NIPAL3: variants seen among roughly 807,000 people sequenced by gnomAD.
The protein encoded by NIPAL3 is NIPA like domain containing 3.
A neutral mutation model predicts 47.2 loss-of-function variants in NIPAL3; 41 were observed. The ratio of observed to expected loss-of-function variants is 0.87; its 90% CI spans 0.68 to 1.13. The LOEUF (loss-of-function observed/expected upper bound fraction) is 1.13, where lower values mean the gene tolerates loss of function less well. Ranked by LOEUF, NIPAL3 falls within the 50% of genes most tolerant of loss-of-function variation. NIPAL3 has a pLI of 0.00. For missense variants in NIPAL3, 449 were observed against 530.1 expected, an observed-to-expected ratio of 0.85 and a Z score of 1.50; for synonymous variants, 194 against 209.6, an observed-to-expected ratio of 0.93 and a Z score of 0.64.
In NIPAL3 at chr1:24,442,143, T is replaced by C; in HGVS notation, c.251T>C (p.Leu84Pro). 2 of 1,614,222 alleles carry C rather than the reference T, an allele frequency of 1.2e-6. No individual in the cohort carries two copies. The highest frequency in any genetic ancestry group is 1.7e-6 in the Non-Finnish European group (2 of 1,180,028). The change falls in exon 4 of 12, where the codon CTT becomes CCT. Residue 84 changes from leucine to proline, a missense_variant. Physicochemically the swap from Leu to Pro is moderately conservative, Grantham distance 98. Coordinates refer to ENST00000374399, the MANE Select transcript of NIPAL3 (RefSeq NM_020448.5). ...TGGTGGCTGGGCCTGTTCCTGATGC[T>C]TCTGGGCGAGCTGGGTGTGTTCGCC... ...KTWWLGLFLM[L>P]LGELGVFASY...
intron 2 of NIPAL3, among the ~76,000 whole-genome samples, chr1:24,433,851 A>G (rs1342839173): frequency 6.6e-6 from 1 of 152,214 alleles, no homozygotes; most frequent in East Asian, 1.9e-4. Flanking sequence ...AAAGTTTTGT[A>G]TAACACTAAA....
chr1:24,434,742 T>A (rs576021507), intron 2 of NIPAL3, among the ~76,000 whole-genome samples: 6 of 152,124 alleles, frequency 3.9e-5, no homozygotes, highest in Admixed American at 6.6e-5. Context: ...TGTTTTCTGA[T>A]CACAATGGAA....
chr1:24,465,957 C>T (rs1415704747), intron 11 of NIPAL3: 1 of 1,571,358 alleles, frequency 6.4e-7, no homozygotes, highest in East Asian at 2.3e-5. Context: ...TTTCCAGCCA[C>T]TTGGTTTCCC....
rs1027863539 is a variant in NIPAL3 at position 24,415,905 on chromosome 1, G to C, written c.-258+1G>C. 3 of 985,220 alleles carry C rather than the reference G, an allele frequency of 3.0e-6. No individual in the cohort carries two copies. In the African/African-American group the frequency reaches 5.2e-5, roughly 17 times the overall value. The allele number at this position is 985,220 out of a possible 1,614,324, so 61.0% of individuals were successfully genotyped here. ...GTGGGCCTTAGAGGAGACGCCGCCG[G>C]TGAGTAGTGATTAACACCGGGAGGA... On this transcript the variant is annotated splice_donor_variant, in intron 1 of 11. Coordinates refer to ENST00000374399, the MANE Select transcript of NIPAL3 (RefSeq NM_020448.5). LOFTEE classifies it low-confidence loss of function (5UTR_SPLICE).
At position 24,469,283 on chromosome 1, in the gene NIPAL3, C is replaced by A; in HGVS notation, c.*98C>A. On this transcript the variant is annotated 3_prime_UTR_variant, in exon 12 of 12. Coordinates refer to ENST00000374399, the MANE Select transcript of NIPAL3 (RefSeq NM_020448.5). ...CTTTCAAGTCTCATTTTGTTTCTAA[C>A]TGAGAACTCTATGGATGATGATCTC... 3 of 970,074 alleles carry A rather than the reference C, an allele frequency of 3.1e-6. No homozygotes were observed. The highest frequency in any genetic ancestry group is 4.5e-6 in the Non-Finnish European group (3 of 663,596). The allele number at this position is 970,074 out of a possible 1,614,324, so 60.1% of individuals were successfully genotyped here.
In NIPAL3 at chr1:24,456,223, C is replaced by A. The variant is rs766308271; in HGVS notation, c.723C>A (p.Ile241=). The part of the protein sequence containing the change: ...IQGNLQLDYP[I]FYVMFVCMVA... ...GGAACCTGCAGCTTGACTACCCCAT[C>A]TTCTACGTGATGTTCGTGTGCATGG... Residue 241 remains isoleucine, a synonymous_variant, in exon 8 of 12, where the codon ATC becomes ATA. Coordinates refer to ENST00000374399, the MANE Select transcript of NIPAL3 (RefSeq NM_020448.5). 5.0e-6 allele frequency: 8 copies of A among 1,614,242 alleles called. No homozygotes were observed. In the South Asian group the frequency reaches 8.8e-5, roughly 18 times the overall value.
At chr1:24,456,017 C>A in intron 7 of NIPAL3, 121 bp from the exon 8 acceptor site, 1 of 1,214,152 alleles carries the variant, frequency 8.2e-7, no homozygotes. Context: ...GCCGGCTTGA[C>A]TCTGTTCCTG....
In NIPAL3 at chr1:24,468,906, C is replaced by T. The variant is rs564686148; in HGVS notation, c.1022-80C>T. 5.5e-6 allele frequency: 7 copies of T among 1,280,990 alleles called. No homozygotes were observed. In the African/African-American group the frequency reaches 5.9e-5, roughly 11 times the overall value. 79.4% of individuals were successfully genotyped at this position (1,280,990 alleles called of 1,614,324 possible). On this transcript the variant is annotated intron_variant, in intron 11 of 11. Coordinates refer to ENST00000374399, the MANE Select transcript of NIPAL3 (RefSeq NM_020448.5). ...TTAGCTGCTGAGCACTATAATTAGT[C>T]TGTGGCGGGATAGAGGGAGATGCGG...
intron 2 of NIPAL3, among the ~76,000 whole-genome samples, chr1:24,426,011 A>G (rs1366885667): frequency 6.6e-6 from 1 of 152,224 alleles, no homozygotes; most frequent in Admixed American, 6.5e-5. Context: ...TTACTTATAG[A>G]ACAGGAACTG....
rs1646716921 is a variant in NIPAL3, at chr1:24,466,797, AGAACGG to A, written c.1022-2187_1022-2182del. Among the ~76,000 whole-genome samples, 3 of 152,344 alleles carry A rather than the reference AGAACGG, an allele frequency of 2.0e-5. No individual in the cohort carries two copies. The East Asian group carries it at 5.8e-4, about 29-fold the overall frequency. ...CCTGTTAAGCCAGCTCTCTTCCCTGAGAACGGGCACCTCCTCAGCTCTTCCACTTCC... is the reference window on the plus strand; with the variant it reads ...CCTGTTAAGCCAGCTCTCTTCCCTGAGCACCTCCTCAGCTCTTCCACTTCC... On this transcript the variant is annotated intron_variant, in intron 11 of 11. Transcript: ENST00000374399.
intron 6 of NIPAL3, among the ~76,000 whole-genome samples, chr1:24,452,564 C>T (rs1645988298): frequency 6.6e-6 from 1 of 152,160 alleles, no homozygotes; most frequent in African/African-American, 2.4e-5. Context: ...AGTTAAGTGA[C>T]TTACCCAAGG....
intron 2 of NIPAL3, 104 bp downstream of exon 2, chr1:24,419,744 A>G: frequency 3.1e-6 from 3 of 963,268 alleles, no homozygotes; most frequent in Non-Finnish European, 4.8e-6. Context: ...CATGCCTGTC[A>G]CTGGTAGAAA....
At chr1:24,422,001 G>C (rs1232733725) in intron 2 of NIPAL3, 2 of 152,240 alleles carry the variant, frequency 1.3e-5, no homozygotes. Context: ...GCCCAAGGAG[G>C]GGACTCTGCA....
intron 2 of NIPAL3, among the ~76,000 whole-genome samples, chr1:24,429,405 ACTGAAGCC>A (rs1644777175): frequency 6.6e-6 from 1 of 152,172 alleles, no homozygotes. Context: ...GATACTGTTA[ACTGAAGCC>A]CTTGGTATAA....
At chr1:24,438,784 A>G (rs1645243407) in intron 2 of NIPAL3, among the ~76,000 whole-genome samples, 1 of 152,340 alleles carries the variant, frequency 6.6e-6, no homozygotes, top group African/African-American at 2.4e-5. Context: ...GGAAGAGAAC[A>G]TGCTGGGAAG....
intron 2 of NIPAL3, among the ~76,000 whole-genome samples, chr1:24,422,416 A>G (rs1217295219): frequency 1.3e-5 from 2 of 152,126 alleles, no homozygotes; most frequent in Non-Finnish European, 2.9e-5. Context: ...ATGAAGAGGT[A>G]GAGTTCATAG....
chr1:24,442,227 G>A lies in NIPAL3; in HGVS notation c.334+1G>A. The A allele has an allele frequency of 1.2e-6, 2 of 1,613,450 alleles. No homozygotes were observed. Among genetic ancestry groups the A allele is most frequent in the Non-Finnish European group, 1.7e-6 (2 of 1,179,856 alleles). ...CCCCTCAGCGCAGTTTCTGTGATAGGTAAGACCAGGGCTGCCCCACCCTCC... is the reference window on the plus strand; with the variant it reads ...CCCCTCAGCGCAGTTTCTGTGATAGATAAGACCAGGGCTGCCCCACCCTCC... On this transcript the variant is annotated splice_donor_variant, in intron 4 of 11. Coordinates refer to ENST00000374399, the MANE Select transcript of NIPAL3 (RefSeq NM_020448.5). LOFTEE classifies it high-confidence loss of function.
In NIPAL3 at chr1:24,442,012, C is replaced by T. The variant is rs536771918; in HGVS notation, c.163-43C>T. On this transcript the variant is annotated intron_variant, in intron 3 of 11. Transcript: ENST00000374399. ...GGTACCTACATCATAGCATTTTTTT[C>T]CCCAAACATCTGAGCAAATTGCATT... 174 of 1,587,302 alleles carry T rather than the reference C, an allele frequency of 1.1e-4. 1 individual carries two copies. In the South Asian group the frequency reaches 1.9e-3, roughly 17 times the overall value.
rs879657181 is a variant in NIPAL3 at position 24,471,436 on chromosome 1, C to G, written c.*2251C>G. 2.0e-5 allele frequency: 3 copies of G among 152,744 alleles called. No individual in the cohort carries two copies. Among genetic ancestry groups the G allele is most frequent in the Non-Finnish European group, 2.9e-5 (2 of 68,632 alleles). The allele number at this position is 152,744 out of a possible 1,614,324, so 9.5% of individuals were successfully genotyped here. A position where few individuals can be genotyped will look rare whatever the true frequency, so the allele number is the denominator to read the frequency against. On this transcript the variant is annotated 3_prime_UTR_variant, in exon 12 of 12. Coordinates refer to ENST00000374399, the MANE Select transcript of NIPAL3 (RefSeq NM_020448.5). ...TAAAAATTAAAAATAAATAAATTAG[C>G]TGGGTGTGGTGGTGCATGCCTGTGA...
Sources: allele counts gnomAD v4.1 joint callset (sites outside exome capture counted in the v4.1 genomes callset), GRCh38; gene constraint gnomAD v4.1.1; transcripts MANE v1.5; gene names NCBI Gene and HGNC (gene_info 2026-07-23, HGNC 2026-07-21).